SLC9A3: variants seen among roughly 807,000 people sequenced by gnomAD.
SLC9A3 encodes the protein solute carrier family 9 member A3.
In SLC9A3, 37 loss-of-function variants were observed where a neutral mutation model predicts 86.8. The ratio of observed to expected loss-of-function variants is 0.43; its 90% confidence interval spans 0.33 to 0.56. SLC9A3 has a LOEUF of 0.56. Ranked by LOEUF, SLC9A3 falls within the 20% of genes least tolerant of loss-of-function variation. SLC9A3 has a pLI of 0.06. For missense variants in SLC9A3, 1,011 were observed against 1,171.9 expected (o/e 0.86, Z 2.00); for synonymous variants, 581 against 528.3 (o/e 1.10, Z -1.37).
rs373919488 is a variant in SLC9A3 at position 476,248 on chromosome 5, T to G, written c.2021A>C (p.Asn674Thr). 90 of 1,613,832 alleles carry G rather than the reference T, an allele frequency of 5.6e-5. No homozygotes were observed. The highest frequency in any genetic ancestry group is 6.9e-5 in the Non-Finnish European group (82 of 1,179,978). The change falls in exon 13 of 17, where the codon AAC becomes ACC. Residue 674 changes from asparagine to threonine, a missense_variant. Physicochemically the swap from Asn to Thr is moderately conservative, Grantham distance 65. Coordinates refer to ENST00000264938, the MANE Select transcript of SLC9A3 (RefSeq NM_004174.4). ...FKSTKLGLNQ[N>T]KKAAKLYKRE... ...CTTGTACAGCTTGGCCGCCTTCTTG[T>G]TCTGGTTGAGCCCCAGCTTGGTCGA...
intron 1 of SLC9A3, among the ~76,000 whole-genome samples, chr5:515,480 G>A (rs1279083235): frequency 6.6e-6 from 1 of 152,096 alleles, no homozygotes; most frequent in East Asian, 1.9e-4. Flanking sequence ...CAGCCCCAAG[G>A]GAAGGCTGGC....
At chr5:503,284 G>A (rs548708766) in intron 1 of SLC9A3, among the ~76,000 whole-genome samples, 12 of 152,266 alleles carry the variant, frequency 7.9e-5, no homozygotes, top group Admixed American at 2.0e-4. Context: ...GCTTGTAGCC[G>A]CAGCACTTTG....
chr5:498,999 G>A (rs1740151880), intron 1 of SLC9A3, among the ~76,000 whole-genome samples: 2 of 152,210 alleles, frequency 1.3e-5, no homozygotes, highest in Admixed American at 1.3e-4. Context: ...TCTCCTTGGT[G>A]ACCCTGCATC....
At position 483,362 on chromosome 5, in the gene SLC9A3, G is replaced by GA; in HGVS notation, c.1052dup (p.Met352HisfsTer54). On this transcript the variant is annotated frameshift_variant, in exon 6 of 17. Coordinates refer to ENST00000264938, the MANE Select transcript of SLC9A3 (RefSeq NM_004174.4). LOFTEE classifies it high-confidence loss of function. ...TCACGGCCGAGATACCCAGGAACATGAAGATGATGGTCTCGGCGCTGCTGG... is the reference window on the plus strand; with the variant it reads ...TCACGGCCGAGATACCCAGGAACATGAAAGATGATGGTCTCGGCGCTGCTGG... 2 of 1,571,104 alleles carry GA rather than the reference G, an allele frequency of 1.3e-6. No homozygotes were observed. The highest frequency in any genetic ancestry group is 1.7e-6 in the Non-Finnish European group (2 of 1,158,566).
At chr5:490,382 G>A in intron 2 of SLC9A3, among the ~76,000 whole-genome samples, 1 of 151,980 alleles carries the variant, frequency 6.6e-6, no homozygotes, top group East Asian at 1.9e-4. Context: ...GGTGTGGGGA[G>A]TCCTCCAGGG....
chr5:473,534 C>G, intron 16 of SLC9A3, 152 bp from the exon 17 acceptor site: 3 of 560,480 alleles, frequency 5.4e-6, no homozygotes, highest in Non-Finnish European at 7.9e-6. Flanking sequence ...GGCCTCCTCC[C>G]AGGACCCGGG....
chr5:485,098 A>T, intron 4 of SLC9A3, 55 bp downstream of exon 4: 1 of 1,284,390 alleles, frequency 7.8e-7, no homozygotes, highest in Non-Finnish European at 1.1e-6. Context: ...CAGAGAAGAC[A>T]GTTGGCCCCA....
chr5:492,636 G>A (rs1560961924), intron 1 of SLC9A3, among the ~76,000 whole-genome samples: 1 of 151,152 alleles, frequency 6.6e-6, no homozygotes, highest in South Asian at 2.1e-4. Context: ...TGGGGTGGAG[G>A]CCCGTGCTGG....
intron 1 of SLC9A3, among the ~76,000 whole-genome samples, chr5:522,724 A>G (rs1733918673): frequency 6.7e-6 from 1 of 149,286 alleles, no homozygotes; most frequent in Non-Finnish European, 1.5e-5. Context: ...GGGCAACAAG[A>G]GCAAAATTCT....
chr5:478,971 C>G (rs999870078), intron 10 of SLC9A3: 2 of 154,384 alleles, frequency 1.3e-5, no homozygotes, highest in African/African-American at 2.4e-5. Flanking sequence ...GAATGCACGT[C>G]AGTGGAGGCA....
At chr5:488,248 T>C (rs922269891) in intron 3 of SLC9A3, 68 bp downstream of exon 3, 3 of 1,553,210 alleles carry the variant, frequency 1.9e-6, no homozygotes, top group Admixed American at 3.4e-5. Context: ...GACTGACCGA[T>C]GGGGGGTGAG....
In SLC9A3 at chr5:472,386, G is replaced by A. The variant is rs1395054141; in HGVS notation, c.*993C>T. 4 of 336,372 alleles carry A rather than the reference G, an allele frequency of 1.2e-5. No individual in the cohort carries two copies. The highest frequency in any genetic ancestry group is 8.7e-5 in the African/African-American group (4 of 45,774). The allele number at this position is 336,372 out of a possible 1,614,324, so 20.8% of individuals were successfully genotyped here. A position where few individuals can be genotyped will look rare whatever the true frequency, so the allele number is the denominator to read the frequency against. On this transcript the variant is annotated 3_prime_UTR_variant, in exon 17 of 17. Coordinates refer to ENST00000264938, the MANE Select transcript of SLC9A3 (RefSeq NM_004174.4). ...TCCATGCCCCCTGGTTTGTTAAGGG[G>A]GACAGAGCAGCTGCTGGGCCCCACC... is the stretch of plus-strand genomic sequence containing the variant.
chr5:484,426 T>A, intron 5 of SLC9A3, 94 bp downstream of exon 5: 1 of 1,034,938 alleles, frequency 9.7e-7, no homozygotes, highest in East Asian at 2.7e-5. Context: ...CGGGTTGGGG[T>A]CCCCCTGGCT....
At chr5:485,119 G>T in intron 4 of SLC9A3, 34 bp downstream of exon 4, 1 of 1,531,318 alleles carries the variant, frequency 6.5e-7, no homozygotes, top group Non-Finnish European at 9.1e-7. Flanking sequence ...GAGGAGACAC[G>T]GCCGCCCACT....
chr5:470,561 G>A lies in SLC9A3; in HGVS notation c.*2818C>T, dbSNP rs1356879706. On this transcript the variant is annotated 3_prime_UTR_variant, in exon 17 of 17. Coordinates refer to ENST00000264938, the MANE Select transcript of SLC9A3 (RefSeq NM_004174.4). ...GGTCTAGTAATCGTTCAGGATTTCG[G>A]TGATGGGCCCTCCCTGTCTGGACAC... 1 of 152,330 alleles carries A rather than the reference G, an allele frequency of 6.6e-6. No individual in the cohort carries two copies. Among genetic ancestry groups the A allele is most frequent in the Non-Finnish European group, 1.5e-5 (1 of 68,048 alleles). The allele number at this position is 152,330 out of a possible 1,614,324, so 9.4% of individuals were successfully genotyped here.
chr5:491,924 A>T lies in SLC9A3; in HGVS notation c.359T>A (p.Leu120Gln). 6.2e-7 allele frequency: 1 copy of T among 1,611,780 alleles called. No individual in the cohort carries two copies. The highest frequency in any genetic ancestry group is 8.5e-7 in the Non-Finnish European group (1 of 1,179,536). Residue 120 changes from leucine (L) to glutamine (Q), a missense_variant, in exon 2 of 17, where the codon CTG (leucine) becomes CAG (glutamine). Coordinates refer to ENST00000264938, the MANE Select transcript of SLC9A3 (RefSeq NM_004174.4). The surrounding 1 kb of genome is among the most constrained non-coding windows in gnomAD (Gnocchi z 9.2). ...LTPTVFFFYLLPPIVLDAGYF... is the reference protein window; with the variant it reads ...LTPTVFFFYLQPPIVLDAGYF... ...GCCGGCGTCCAGCACGATGGGGGGC[A>T]GCAGGTAGAAGAAGAAGACGGTGGG...
Position 491,641 on chromosome 5 carries a change from C to T in SLC9A3, c.514+128G>A, listed in dbSNP as rs1324319026. 55 of 835,226 alleles carry T rather than the reference C, an allele frequency of 6.6e-5. No individual in the cohort carries two copies. Among genetic ancestry groups the T allele is most frequent in the Non-Finnish European group, 7.1e-5 (40 of 559,946 alleles). 51.7% of individuals were successfully genotyped at this position (835,226 alleles called of 1,614,324 possible). ...CGAGGGCCTACGGGGCTGCCAGCCA[C>T]GTTTCTCACCTGACACTTACCGCCT... On this transcript the variant is annotated intron_variant, in intron 2 of 16. Coordinates refer to ENST00000264938, the MANE Select transcript of SLC9A3 (RefSeq NM_004174.4). The surrounding 1 kb of genome is among the most constrained non-coding windows in gnomAD (Gnocchi z 9.2).
intron 1 of SLC9A3, among the ~76,000 whole-genome samples, chr5:508,616 G>T (rs111748837): frequency 6.2e-5 from 9 of 144,722 alleles, no homozygotes; most frequent in African/African-American, 2.3e-4. Flanking sequence ...AGCCCATAGC[G>T]CGCCTGGGAT....
intron 1 of SLC9A3, among the ~76,000 whole-genome samples, chr5:509,437 G>A (rs565017420): frequency 7.0e-6 from 1 of 143,558 alleles, no homozygotes; most frequent in South Asian, 2.4e-4. Context: ...CTGGGCGAGA[G>A]AGTGAGATGG....
Sources: gnomAD v4.1 joint callset for allele counts (sites outside exome capture counted in the v4.1 genomes callset) on GRCh38, gnomAD v4.1.1 for gene constraint, Gnocchi (gnomAD v3.1) non-coding constraint, MANE v1.5 for transcripts, NCBI Gene and HGNC (gene_info 2026-07-23, HGNC 2026-07-21) for gene names.